CABIN1: variants seen among roughly 807,000 people sequenced by gnomAD.
CABIN1 encodes calcineurin-binding protein cabin-1.
CABIN1 carries 133 observed loss-of-function variants against 227.7 expected under a neutral mutation model. The observed-to-expected ratio is 0.58, with a 90% CI of 0.51 to 0.67. The LOEUF is 0.67. CABIN1 is among the 30% of genes least tolerant of loss of function. The pLI is 0.00. For synonymous variants in CABIN1, 1,086 were observed against 1,155.1 expected (o/e 0.94, Z 1.21); for missense variants, 2,408 against 2,852.5 (o/e 0.84, Z 3.55).
intron 29 of CABIN1, chr22:24,162,279 T>C (rs1292721262): frequency 6.6e-6 from 1 of 152,200 alleles, no homozygotes; most frequent in Non-Finnish European, 1.5e-5. Context: ...AGGCTCTCAT[T>C]AGGAGGGGAA....
chr22:24,097,894 G>T, intron 25 of CABIN1, 120 bp from the exon 26 acceptor site: 1 of 1,298,704 alleles, frequency 7.7e-7, no homozygotes, highest in Non-Finnish European at 1.1e-6. Context: ...ATGGGGTGGG[G>T]GCCACCAGAG....
At chr22:24,106,369 C>A (rs1458313628) in intron 26 of CABIN1, among the ~76,000 whole-genome samples, 1 of 152,238 alleles carries the variant, frequency 6.6e-6, no homozygotes, top group Admixed American at 6.5e-5. Flanking sequence ...CTTCCTTTTC[C>A]TCCTGCCCCT....
rs145272016 is a variant in CABIN1, at chr22:24,097,407, G to A, written c.3939-607G>A. On this transcript the variant is annotated intron_variant, in intron 25 of 36. Coordinates refer to ENST00000263119, the MANE Select transcript of CABIN1 (RefSeq NM_012295.4). ...ATAAAAATGAACTACAGAAGGTATT[G>A]TTTTAGAGTTTGCTTTTTCCCCTGA... is the stretch of plus-strand genomic sequence containing the variant. Among the ~76,000 whole-genome samples the A allele has an allele frequency of 2.0e-3, 299 of 152,274 alleles. 2 individuals carry two copies. Among genetic ancestry groups the A allele is most frequent in the African/African-American group, 6.5e-3 (270 of 41,548 alleles).
intron 29 of CABIN1, among the ~76,000 whole-genome samples, chr22:24,160,575 G>A (rs923045934): frequency 3.9e-5 from 6 of 152,210 alleles, no homozygotes; most frequent in African/African-American, 1.4e-4. Flanking sequence ...TCAGGCTGTC[G>A]AGCCCCGGGT....
At position 24,041,063 on chromosome 22, in the gene CABIN1, G is replaced by C. The variant is rs2037330003; in HGVS notation, c.211-76G>C. ...AAGGGCCTGCAGCAGAGGCCAGCCT[G>C]GAAGCCAAGTATCCTGCTGGCTGCT... On this transcript the variant is annotated intron_variant, in intron 4 of 36. Transcript: ENST00000263119. The C allele has an allele frequency of 3.1e-6, 5 of 1,594,326 alleles. No homozygotes were observed. In the South Asian group the frequency reaches 5.5e-5, roughly 18 times the overall value.
intron 29 of CABIN1, among the ~76,000 whole-genome samples, chr22:24,138,603 G>A (rs953509141): frequency 1.3e-5 from 2 of 152,198 alleles, no homozygotes; most frequent in Non-Finnish European, 2.9e-5. Flanking sequence ...AGAACTCAGA[G>A]AAACACATTT....
intron 1 of CABIN1, among the ~76,000 whole-genome samples, chr22:24,022,008 A>T (rs1428574727): frequency 6.6e-6 from 1 of 152,320 alleles, no homozygotes; most frequent in South Asian, 2.1e-4. Flanking sequence ...CTGTCATATC[A>T]TCAGTGTGAA....
chr22:24,074,456 T>G (rs2040302938), intron 18 of CABIN1, among the ~76,000 whole-genome samples: 1 of 152,210 alleles, frequency 6.6e-6, no homozygotes, highest in Non-Finnish European at 1.5e-5. Context: ...GACCAAATCC[T>G]GGGAAATATT....
At chr22:24,165,495 T>A (rs200677499) in intron 30 of CABIN1, 35 bp from the exon 31 acceptor site, 1 of 1,580,410 alleles carries the variant, frequency 6.3e-7, no homozygotes, top group African/African-American at 1.3e-5. Context: ...TCAGATGCCC[T>A]CCTGTCCTCT....
chr22:24,087,129 G>C (rs2041222030), intron 22 of CABIN1, among the ~76,000 whole-genome samples: 1 of 152,222 alleles, frequency 6.6e-6, no homozygotes. Flanking sequence ...GGGGAACAGA[G>C]TCCAAGAGCT....
chr22:24,142,251 T>C (rs753388548), intron 29 of CABIN1, among the ~76,000 whole-genome samples: 1 of 152,100 alleles, frequency 6.6e-6, no homozygotes, highest in East Asian at 1.9e-4. Flanking sequence ...CCAGCAGACC[T>C]GGACACCCCA....
chr22:24,056,510 C>A, intron 10 of CABIN1, 150 bp downstream of exon 10: 1 of 781,962 alleles, frequency 1.3e-6, no homozygotes, highest in Non-Finnish European at 2.1e-6. Flanking sequence ...AAGCACAAAT[C>A]TCACTGGAGT....
intron 4 of CABIN1, among the ~76,000 whole-genome samples, chr22:24,039,697 G>A (rs1287834200): frequency 6.6e-6 from 1 of 152,214 alleles, no homozygotes; most frequent in African/African-American, 2.4e-5. Context: ...CAGCCTTTTA[G>A]TTGTAGGTGT....
At chr22:24,065,338 C>T (rs1174297515) in intron 15 of CABIN1, among the ~76,000 whole-genome samples, 20 of 150,512 alleles carry the variant, frequency 1.3e-4, no homozygotes, top group African/African-American at 2.7e-4. Flanking sequence ...GGGTCGCGGC[C>T]GGGCAGAGGC....
chr22:24,028,206 G>T (rs902070812), intron 1 of CABIN1, among the ~76,000 whole-genome samples: 10 of 152,176 alleles, frequency 6.6e-5, no homozygotes, highest in Non-Finnish European at 1.3e-4. Flanking sequence ...GTAAGCACAT[G>T]CTCTTGGAAA....
At chr22:24,035,383 G>A in intron 1 of CABIN1, 61 bp from the exon 2 acceptor site, 2 of 1,153,196 alleles carry the variant, frequency 1.7e-6, no homozygotes, top group Non-Finnish European at 2.6e-6. Context: ...GTGGACCTTG[G>A]CACTGTGACC....
At chr22:24,151,705 C>T (rs1167630442) in intron 29 of CABIN1, among the ~76,000 whole-genome samples, 8 of 152,178 alleles carry the variant, frequency 5.3e-5, no homozygotes, top group Non-Finnish European at 1.0e-4. Flanking sequence ...AGCCTGCTGG[C>T]CAGTCTTCTC....
At chr22:24,172,100 C>T (rs1035587345) in intron 34 of CABIN1, 105 bp downstream of exon 34, 1 of 1,369,318 alleles carries the variant, frequency 7.3e-7, no homozygotes, top group African/African-American at 1.4e-5. Flanking sequence ...CAGTGCCCTC[C>T]CGCCCAGTCG....
intron 1 of CABIN1, among the ~76,000 whole-genome samples, chr22:24,019,472 C>T (rs2035554106): frequency 6.6e-6 from 1 of 151,736 alleles, no homozygotes; most frequent in Non-Finnish European, 1.5e-5. Flanking sequence ...CCAGGATGGT[C>T]TCGAACTGCT....
Sources: gnomAD v4.1 joint callset for allele counts (sites outside exome capture counted in the v4.1 genomes callset) on GRCh38, gnomAD v4.1.1 for gene constraint, MANE v1.5 for transcripts, NCBI Gene and HGNC (gene_info 2026-07-23, HGNC 2026-07-21) for gene names.